LDLRAP1: variants seen among roughly 807,000 people sequenced by gnomAD.
LDLRAP1 encodes the protein low density lipoprotein receptor adaptor protein 1.
LDLRAP1 carries 30 observed loss-of-function variants against 37.8 expected under a neutral mutation model. The ratio of observed to expected loss-of-function variants is 0.79; its 90% CI spans 0.59 to 1.08. The LOEUF is 1.08. Ranked by LOEUF, LDLRAP1 falls within the 50% of genes least tolerant of loss-of-function variation. LDLRAP1 has a pLI of 0.00. For synonymous variants in LDLRAP1, 156 were observed against 169.8 expected, an observed-to-expected ratio of 0.92 and a Z score of 0.63; for missense variants, 375 against 401.6, an observed-to-expected ratio of 0.93 and a Z score of 0.57.
At chr1:25,565,785 C>T (rs747300278) in intron 8 of LDLRAP1, among the ~76,000 whole-genome samples, 3 of 152,164 alleles carry the variant, frequency 2.0e-5, no homozygotes, top group Non-Finnish European at 4.4e-5. Context: ...GAGGCCTGGG[C>T]AGGTCAGGGT....
chr1:25,582,542 G>A, the LDLRAP1 span, among the ~76,000 whole-genome samples: 3 of 150,326 alleles, frequency 2.0e-5, no homozygotes, highest in Admixed American at 6.6e-5. Context: ...CCGAGATCGT[G>A]CCACTGCACT....
Position 25,562,709 on chromosome 1 carries a change from C to G in LDLRAP1, c.525C>G (p.Ser175=), listed in dbSNP as rs747937944. The G allele has an allele frequency of 1.4e-5, 22 of 1,613,906 alleles. No individual in the cohort carries two copies. Among genetic ancestry groups the G allele is most frequent in the Non-Finnish European group, 1.8e-5 (21 of 1,179,788 alleles). ...FKVAFEFWQV[S]KEEKEKRDKA... ...TCGCCTTTGAGTTTTGGCAGGTGTC[C>G]AAGGAAGGTGAGACTTTGCATCTAC... is the stretch of plus-strand genomic sequence containing the variant. The change falls in exon 5 of 9, where the codon TCC becomes TCG. Residue 175 remains serine (S), a synonymous_variant. Transcript: ENST00000374338.
At chr1:25,587,497 G>A in the LDLRAP1 span, among the ~76,000 whole-genome samples, 1 of 152,284 alleles carries the variant, frequency 6.6e-6, no homozygotes, top group African/African-American at 2.4e-5. Context: ...GTCCTTAGCT[G>A]ATCTGTGCCT....
downstream of LDLRAP1, among the ~76,000 whole-genome samples, chr1:25,570,212 C>T (rs2124709174): frequency 6.6e-6 from 1 of 152,356 alleles, no homozygotes; most frequent in Non-Finnish European, 1.5e-5. Flanking sequence ...CCCTCATAAT[C>T]TGAAAAGACA....
chr1:25,555,112 G>A lies in LDLRAP1; in HGVS notation c.344+140G>A. 1.4e-6 allele frequency: 1 copy of A among 729,828 alleles called. No homozygotes were observed. Among genetic ancestry groups the A allele is most frequent in the African/African-American group, 1.7e-5 (1 of 57,784 alleles). 45.2% of individuals were successfully genotyped at this position (729,828 alleles called of 1,614,324 possible). ...TTCCTCATCTGTAAAATGGGGGTGG[G>A]AACAGATCCTGCTGCACAGCGCTGT... On this transcript the variant is annotated intron_variant, in intron 3 of 8. Coordinates refer to ENST00000374338, the MANE Select transcript of LDLRAP1 (RefSeq NM_015627.3). The surrounding 1 kb of genome is among the most constrained non-coding windows in gnomAD (Gnocchi z 4.7).
At chr1:25,573,237 G>A (rs115245988), downstream of LDLRAP1, among the ~76,000 whole-genome samples, 2 of 152,178 alleles carry the variant, frequency 1.3e-5, no homozygotes, top group African/African-American at 2.4e-5. Context: ...GCCCCGCCAC[G>A]TTGAGACCAC....
intron 3 of LDLRAP1, among the ~76,000 whole-genome samples, chr1:25,556,179 G>A (rs140410462): frequency 4.6e-5 from 7 of 152,192 alleles, no homozygotes; most frequent in East Asian, 1.9e-4. Context: ...AGTCTATGGC[G>A]CTCCTGTCCC....
At chr1:25,572,856 G>A (rs1384897394), downstream of LDLRAP1, among the ~76,000 whole-genome samples, 1 of 152,172 alleles carries the variant, frequency 6.6e-6, no homozygotes, top group Non-Finnish European at 1.5e-5. Flanking sequence ...TCTCTCCACT[G>A]TCCCCCTCAA....
At chr1:25,565,316 C>A in intron 8 of LDLRAP1, 109 bp downstream of exon 8, 1 of 1,230,108 alleles carries the variant, frequency 8.1e-7, no homozygotes, top group Admixed American at 1.7e-5. Context: ...GCCACTCAGA[C>A]CCCCTCCAGA....
At chr1:25,559,253 C>CT (rs2044285692) in intron 4 of LDLRAP1, among the ~76,000 whole-genome samples, 1 of 152,150 alleles carries the variant, frequency 6.6e-6, no homozygotes. Context: ...AGGGCAGGCC[C>CT]TGGGCAGGGA....
the LDLRAP1 span, among the ~76,000 whole-genome samples, chr1:25,579,385 A>G: frequency 6.6e-6 from 1 of 152,220 alleles, no homozygotes; most frequent in Admixed American, 6.5e-5. Context: ...AAGAAAACCC[A>G]GGAGCAACCC....
chr1:25,589,193 A>C, the LDLRAP1 span, among the ~76,000 whole-genome samples: 1 of 152,008 alleles, frequency 6.6e-6, no homozygotes, highest in Non-Finnish European at 1.5e-5. Flanking sequence ...AGTTTCAGCT[A>C]CTCAGGAGGC....
rs1024093071 is a variant in LDLRAP1 at position 25,554,141 on chromosome 1, C to CT, written c.231+79dup. 1.9e-6 allele frequency: 3 copies of CT among 1,560,496 alleles called. No individual in the cohort carries two copies. The African/African-American group carries it at 4.0e-5, about 21-fold the overall frequency. ...TCTTCCCAGGGTGCCCTCGTCCCAG[C>CT]TTGTTACTCCAGTTGGGTGTGTCTG... is the stretch of plus-strand genomic sequence containing the variant. On this transcript the variant is annotated intron_variant, in intron 2 of 8. Transcript: ENST00000374338. The surrounding 1 kb of genome is among the most constrained non-coding windows in gnomAD (Gnocchi z 5.4).
intron 4 of LDLRAP1, among the ~76,000 whole-genome samples, chr1:25,557,850 T>C (rs1236516564): frequency 6.6e-6 from 1 of 151,914 alleles, no homozygotes; most frequent in Non-Finnish European, 1.5e-5. Context: ...CTCACGGCTC[T>C]GCAAGGTGGC....
At chr1:25,545,624 A>C (rs1452916901) in intron 1 of LDLRAP1, among the ~76,000 whole-genome samples, 1 of 152,000 alleles carries the variant, frequency 6.6e-6, no homozygotes, top group Non-Finnish European at 1.5e-5. Flanking sequence ...AGGAAAGGAG[A>C]GGAGCACCTC....
At chr1:25,578,708 G>A in the LDLRAP1 span, among the ~76,000 whole-genome samples, 1 of 152,054 alleles carries the variant, frequency 6.6e-6, no homozygotes, top group Non-Finnish European at 1.5e-5. Flanking sequence ...GTAGAGATGA[G>A]GTTTCACCAT....
At chr1:25,575,183 C>T in the LDLRAP1 span, among the ~76,000 whole-genome samples, 1 of 152,122 alleles carries the variant, frequency 6.6e-6, no homozygotes. Flanking sequence ...TGGGCCTTGC[C>T]AGCCCCAAGG....
intron 1 of LDLRAP1, among the ~76,000 whole-genome samples, chr1:25,546,182 C>T (rs1454522102): frequency 1.3e-5 from 2 of 152,172 alleles, no homozygotes; most frequent in African/African-American, 4.8e-5. Flanking sequence ...TCACCTTGCT[C>T]AGGGTTGTGA....
the LDLRAP1 span, among the ~76,000 whole-genome samples, chr1:25,586,967 T>C: frequency 6.6e-6 from 1 of 152,078 alleles, no homozygotes; most frequent in Non-Finnish European, 1.5e-5. This position sits in a 1 kb window ranked among gnomAD's most constrained non-coding sequence, Gnocchi z 4.3. Flanking sequence ...CCAGGATGGA[T>C]CCTCAATCTG....
Sources: allele counts gnomAD v4.1 joint callset (sites outside exome capture counted in the v4.1 genomes callset), GRCh38; gene constraint gnomAD v4.1.1; non-coding constraint Gnocchi (gnomAD v3.1); transcripts MANE v1.5; gene names NCBI Gene and HGNC (gene_info 2026-07-23, HGNC 2026-07-21).